Variants in MSI2 observed in about 807,000 individuals in gnomAD.
MSI2 encodes musashi RNA binding protein 2.
A neutral mutation model predicts 45.6 loss-of-function variants in MSI2; 17 were observed. The observed-to-expected ratio is 0.37, with a 90% CI of 0.26 to 0.56. The LOEUF (loss-of-function observed/expected upper bound fraction) is 0.56, where lower values mean the gene tolerates loss of function less well. MSI2 is among the 20% of genes least tolerant of loss of function. The pLI is 0.77. For missense variants in MSI2, 293 were observed against 444.2 expected, an observed-to-expected ratio of 0.66 and a Z score of 3.06; for synonymous variants, 156 against 158.2, an observed-to-expected ratio of 0.99 and a Z score of 0.11.
intron 5 of MSI2, among the ~76,000 whole-genome samples, chr17:57,273,986 T>C (rs1598055667): frequency 6.6e-6 from 1 of 152,298 alleles, no homozygotes; most frequent in Middle Eastern, 3.4e-3. Flanking sequence ...TCTACCCCAG[T>C]GTGGGGCTCT....
intron 6 of MSI2, among the ~76,000 whole-genome samples, chr17:57,402,360 G>A (rs11650491): frequency 0.059 from 9,035 of 152,274 alleles, 343 homozygotes; most frequent in Non-Finnish European, 0.091. Context: ...TGGACATCGC[G>A]TGGGAGCCCA....
At chr17:57,657,987 A>G (rs4530197) in intron 11 of MSI2, among the ~76,000 whole-genome samples, 24,637 of 152,226 alleles carry the variant, frequency 0.16, 2,429 homozygotes, top group East Asian at 0.44. Flanking sequence ...CTGGCCTCAG[A>G]ATGACCACTG....
At chr17:57,461,317 C>T (rs2085223559) in intron 6 of MSI2, among the ~76,000 whole-genome samples, 1 of 152,122 alleles carries the variant, frequency 6.6e-6, no homozygotes, top group East Asian at 1.9e-4. Context: ...TTAGTCAACC[C>T]AAGTCTCACA....
rs752957678 is a variant in MSI2, at chr17:57,529,699, T to C, written c.429T>C (p.Phe143=). 1.2e-6 allele frequency: 2 copies of C among 1,613,340 alleles called. No individual in the cohort carries two copies. Among genetic ancestry groups the C allele is most frequent in the South Asian group, 1.1e-5 (1 of 90,890 alleles). The change falls in exon 7 of 14, where the codon TTT becomes TTC. Residue 143 remains phenylalanine (F), a synonymous_variant. Coordinates refer to ENST00000284073, the MANE Select transcript of MSI2 (RefSeq NM_138962.4). This position sits in a 1 kb window ranked among gnomAD's most constrained non-coding sequence, Gnocchi z 5.3. The part of the protein sequence containing the change: ...FGKVEDAMLM[F]DKTTNRHRGF... ...AGGTGGAAGATGCAATGCTGATGTT[T>C]GATAAAACTACCAACAGGCACAGAG...
chr17:57,450,873 C>G (rs1467914003), intron 6 of MSI2, among the ~76,000 whole-genome samples: 1 of 152,082 alleles, frequency 6.6e-6, no homozygotes, highest in Non-Finnish European at 1.5e-5. Flanking sequence ...TGTCCACCCT[C>G]CTCCCAAAAC....
At chr17:57,694,703 C>A in the MSI2 span, among the ~76,000 whole-genome samples, 569 of 152,200 alleles carry the variant, frequency 3.7e-3, 2 homozygotes, top group African/African-American at 0.012. Context: ...TAGGATTAGG[C>A]AGATTAAAGT....
chr17:57,378,947 G>T (rs1335672388), intron 5 of MSI2, among the ~76,000 whole-genome samples: 3 of 152,182 alleles, frequency 2.0e-5, no homozygotes, highest in African/African-American at 7.2e-5. Context: ...GTGCTAAGTG[G>T]CTGAGTTTGT....
chr17:57,671,283 T>C (rs1268333357), intron 11 of MSI2, among the ~76,000 whole-genome samples: 1 of 152,192 alleles, frequency 6.6e-6, no homozygotes, highest in Non-Finnish European at 1.5e-5. Flanking sequence ...GTTGTCCTCT[T>C]CTGGGACAGG....
intron 6 of MSI2, among the ~76,000 whole-genome samples, chr17:57,512,994 GA>G (rs2086390945): frequency 1.1e-5 from 1 of 86,974 alleles, no homozygotes; most frequent in African/African-American, 4.2e-5. Flanking sequence ...TTCCTTCTGA[GA>G]CAGAGTCTCA....
chr17:57,390,844 T>C (rs2083776699), intron 5 of MSI2, among the ~76,000 whole-genome samples: 1 of 152,186 alleles, frequency 6.6e-6, no homozygotes, highest in Non-Finnish European at 1.5e-5. Flanking sequence ...CCTTAAGTTG[T>C]GGTGTATCCG....
At chr17:57,575,944 C>CAAAAAAAAAA (rs34036311) in intron 7 of MSI2, among the ~76,000 whole-genome samples, 1 of 64,428 alleles carries the variant, frequency 1.6e-5, no homozygotes. Flanking sequence ...GACTCCGTCT[C>CAAAAAAAAAA]AAAAAAAAAA....
chr17:57,439,054 T>TGGAG (rs2143447951), intron 6 of MSI2, among the ~76,000 whole-genome samples: 1 of 152,250 alleles, frequency 6.6e-6, no homozygotes, highest in East Asian at 1.9e-4. Flanking sequence ...CGCAGAGGCA[T>TGGAG]AAGCCACCAT....
chr17:57,453,002 C>CT (rs59001273), intron 6 of MSI2, among the ~76,000 whole-genome samples: 21,499 of 118,030 alleles, frequency 0.18, 2,016 homozygotes, highest in East Asian at 0.23. Flanking sequence ...GGTTGAGGGA[C>CT]TTTTTTTTTT....
intron 6 of MSI2, among the ~76,000 whole-genome samples, chr17:57,462,040 AGGGTT>A (rs2085240721): frequency 6.6e-6 from 1 of 152,178 alleles, no homozygotes; most frequent in Non-Finnish European, 1.5e-5. Flanking sequence ...GGGTGCGGGC[AGGGTT>A]GGTTCCTGCT....
chr17:57,285,620 C>G (rs1388940782), intron 5 of MSI2, among the ~76,000 whole-genome samples: 5 of 152,112 alleles, frequency 3.3e-5, no homozygotes, highest in Non-Finnish European at 7.4e-5. Context: ...GGTTCCGGCC[C>G]CCACAGTCAT....
chr17:57,278,368 G>A (rs1909068678), intron 5 of MSI2: 1 of 152,338 alleles, frequency 6.6e-6, no homozygotes, highest in African/African-American at 2.4e-5. Context: ...TCGAGGAGAT[G>A]GGGACTGGGG....
At chr17:57,429,467 T>C (rs2084554939) in intron 6 of MSI2, among the ~76,000 whole-genome samples, 1 of 152,314 alleles carries the variant, frequency 6.6e-6, no homozygotes, top group Non-Finnish European at 1.5e-5. Flanking sequence ...TTTTTGGAGC[T>C]TCCGTCTACT....
intron 5 of MSI2, among the ~76,000 whole-genome samples, chr17:57,364,550 T>A (rs1917048278): frequency 6.6e-6 from 1 of 152,198 alleles, no homozygotes; most frequent in South Asian, 2.1e-4. Flanking sequence ...GTCTAATTGA[T>A]AAATTAAGGT....
At chr17:57,447,007 A>G (rs747048599) in intron 6 of MSI2, among the ~76,000 whole-genome samples, 36 of 152,224 alleles carry the variant, frequency 2.4e-4, no homozygotes, top group Non-Finnish European at 4.4e-4. Flanking sequence ...TGCGCTGCAA[A>G]GAGATTGACC....
Sources: gnomAD v4.1 joint callset for allele counts (sites outside exome capture counted in the v4.1 genomes callset) on GRCh38, gnomAD v4.1.1 for gene constraint, Gnocchi (gnomAD v3.1) non-coding constraint, MANE v1.5 for transcripts, NCBI Gene and HGNC (gene_info 2026-07-23, HGNC 2026-07-21) for gene names.